Variants in SCN8A observed in about 807,000 individuals in gnomAD.
The protein encoded by SCN8A is sodium channel protein type 8 subunit alpha.
A neutral mutation model predicts 184.1 loss-of-function variants in SCN8A; 30 were observed. That is an observed-to-expected ratio of 0.16 (90% CI 0.12 to 0.22). The LOEUF (loss-of-function observed/expected upper bound fraction) is 0.22. Ranked by LOEUF, SCN8A falls within the 10% of genes least tolerant of loss-of-function variation. The pLI is 1.00. For synonymous variants in SCN8A, 852 were observed against 907.0 expected (o/e 0.94, Z 1.09); for missense variants, 1,057 against 2,498.9 (o/e 0.42, Z 12.30).
intron 2 of SCN8A, among the ~76,000 whole-genome samples, chr12:51,680,697 G>C (rs969548874): frequency 1.1e-4 from 17 of 152,100 alleles, no homozygotes; most frequent in African/African-American, 3.9e-4. Flanking sequence ...GGAAAGTATA[G>C]AGTACATTAC....
chr12:51,684,411 C>T, intron 3 of SCN8A, 119 bp downstream of exon 3: 2 of 693,548 alleles, frequency 2.9e-6, no homozygotes, highest in Non-Finnish European at 5.3e-6. Context: ...AGTTAACTAG[C>T]CCATCAGTCA....
At chr12:51,706,355 T>C in intron 10 of SCN8A, 67 bp from the exon 11 acceptor site, 1 of 1,429,520 alleles carries the variant, frequency 7.0e-7, no homozygotes, top group Non-Finnish European at 9.3e-7. Flanking sequence ...CTGTACTAAC[T>C]GGTTGGCTTT....
At chr12:51,621,667 C>G (rs2138597697) in intron 1 of SCN8A, among the ~76,000 whole-genome samples, 1 of 152,238 alleles carries the variant, frequency 6.6e-6, no homozygotes, top group Middle Eastern at 3.4e-3. Flanking sequence ...AATTCTGTGT[C>G]AGAGCAGTAG....
At chr12:51,791,782 G>A (rs1938260334) in intron 25 of SCN8A, among the ~76,000 whole-genome samples, 1 of 152,180 alleles carries the variant, frequency 6.6e-6, no homozygotes, top group Non-Finnish European at 1.5e-5. Context: ...AGGAGGCTGA[G>A]GTAAGAGAAT....
chr12:51,645,737 A>G (rs1345652892), intron 1 of SCN8A, among the ~76,000 whole-genome samples: 1 of 149,016 alleles, frequency 6.7e-6, no homozygotes, highest in East Asian at 2.0e-4. Flanking sequence ...GCTTTGTTAA[A>G]CAGATGCTTG....
chr12:51,627,054 T>C (rs1940094468), intron 1 of SCN8A, among the ~76,000 whole-genome samples: 1 of 152,152 alleles, frequency 6.6e-6, no homozygotes, highest in African/African-American at 2.4e-5. Flanking sequence ...AGCATAGTTA[T>C]ATGTATGTGT....
chr12:51,721,799 TC>T lies in SCN8A; in HGVS notation c.1893del (p.Ser632AlafsTer6). ...YSQGSRSSRI[F>X]PSLRRSVKRN... ...CAGGGCAGCCGCTCCTCGCGCATCT[TC>T]CCCAGCCTGCGGCGCAGCGTGAAGC... On this transcript the variant is annotated frameshift_variant, in exon 12 of 27. Transcript: ENST00000627620. LOFTEE classifies it high-confidence loss of function. The T allele has an allele frequency of 1.2e-6, 2 of 1,609,638 alleles. No homozygotes were observed.
chr12:51,700,658 A>C (rs892378803), intron 7 of SCN8A, among the ~76,000 whole-genome samples: 7 of 152,242 alleles, frequency 4.6e-5, no homozygotes, highest in Admixed American at 4.6e-4. Flanking sequence ...TCAGTTTAGT[A>C]ACCATAAGAA....
chr12:51,728,988 C>T (rs542564682), intron 12 of SCN8A, among the ~76,000 whole-genome samples: 6 of 152,308 alleles, frequency 3.9e-5, no homozygotes, highest in African/African-American at 1.4e-4. Context: ...CTCTGCCTGC[C>T]TTTGAGTTTC....
At chr12:51,728,087 A>G (rs139314923) in intron 12 of SCN8A, among the ~76,000 whole-genome samples, 1 of 152,258 alleles carries the variant, frequency 6.6e-6, no homozygotes, top group East Asian at 1.9e-4. Context: ...GGTAGTACAG[A>G]TATATTGTTC....
Position 51,769,877 on chromosome 12 carries a change from G to A in SCN8A, c.3382G>A (p.Asp1128Asn). 6.3e-7 allele frequency: 1 copy of A among 1,597,990 alleles called. No homozygotes were observed. Among genetic ancestry groups the A allele is most frequent in the Non-Finnish European group, 8.5e-7 (1 of 1,172,028 alleles). Reference protein sequence around the residue: ...DPEGSKDKLDDTSSSEGSTID... With the variant: ...DPEGSKDKLDNTSSSEGSTID... ...TTCCTTGCGTGTCTAGAAACTAGAT[G>A]ACACCAGCTCCTCTGAAGGAAGCAC... is the stretch of plus-strand genomic sequence containing the variant. Residue 1128 changes from aspartate (D) to asparagine (N), a missense_variant, in exon 18 of 27, where the codon GAC becomes AAC. Around this residue, in one of 19 missense-constraint regions of SCN8A, gnomAD observed 178 missense variants for 259.6 expected, o/e 0.69. Transcript: ENST00000627620.
At chr12:51,754,633 G>A (rs1342322312) in intron 14 of SCN8A, among the ~76,000 whole-genome samples, 1 of 152,136 alleles carries the variant, frequency 6.6e-6, no homozygotes, top group Non-Finnish European at 1.5e-5. Context: ...GCAGTTTTAG[G>A]ATTACCCCAT....
chr12:51,680,087 CAT>C (rs1233792064), intron 2 of SCN8A, among the ~76,000 whole-genome samples: 6 of 152,096 alleles, frequency 3.9e-5, no homozygotes, highest in Non-Finnish European at 8.8e-5. Flanking sequence ...AATAATAAAA[CAT>C]GTTTTATTGT....
chr12:51,739,571 C>A (rs915862247), intron 12 of SCN8A, among the ~76,000 whole-genome samples: 4 of 152,120 alleles, frequency 2.6e-5, no homozygotes, highest in Non-Finnish European at 5.9e-5. Flanking sequence ...TGAAAAAGTT[C>A]TAAGGTGAAA....
At chr12:51,610,093 C>T (rs1165907658) in intron 1 of SCN8A, among the ~76,000 whole-genome samples, 1 of 150,226 alleles carries the variant, frequency 6.7e-6, no homozygotes, top group Non-Finnish European at 1.5e-5. Context: ...CTGCTTGAAC[C>T]CAGGAGGCGG....
chr12:51,637,897 A>T (rs750050678), intron 1 of SCN8A, among the ~76,000 whole-genome samples: 11 of 152,212 alleles, frequency 7.2e-5, no homozygotes, highest in Non-Finnish European at 1.6e-4. Flanking sequence ...AGAGAGGAGA[A>T]GTCAATTCCT....
chr12:51,608,261 C>T (rs991591614), intron 1 of SCN8A, among the ~76,000 whole-genome samples: 2 of 151,998 alleles, frequency 1.3e-5, no homozygotes, highest in East Asian at 1.9e-4. Context: ...CCACCCGCCT[C>T]GGCCTCCGAA....
At chr12:51,603,084 A>G (rs1332390392) in intron 1 of SCN8A, among the ~76,000 whole-genome samples, 2 of 152,136 alleles carry the variant, frequency 1.3e-5, no homozygotes, top group Admixed American at 6.5e-5. Context: ...ATTTTTACAC[A>G]TGTATAGGTT....
In SCN8A at chr12:51,697,847, G is replaced by T. The variant is rs554237688; in HGVS notation, c.707-1723G>T. 1.2e-4 allele frequency among the ~76,000 whole-genome samples: 19 copies of T among 152,024 alleles called. No homozygotes were observed. In the East Asian group the frequency reaches 3.5e-3, roughly 28 times the overall value. ...AAGTTTTTTTTGTTTTTGTTTTTTTGTTGTTGTTGTTTTGTTTTTGAGACG... is the reference window on the plus strand; with the variant it reads ...AAGTTTTTTTTGTTTTTGTTTTTTTTTTGTTGTTGTTTTGTTTTTGAGACG... On this transcript the variant is annotated intron_variant, in intron 6 of 26. Coordinates refer to ENST00000627620, the MANE Select transcript of SCN8A (RefSeq NM_001330260.2).
Sources: allele counts gnomAD v4.1 joint callset (sites outside exome capture counted in the v4.1 genomes callset), GRCh38; gene constraint gnomAD v4.1.1; regional missense constraint gnomAD v4.1.1; transcripts MANE v1.5; gene names NCBI Gene and HGNC (gene_info 2026-07-23, HGNC 2026-07-21).